ASB9: variants seen among roughly 807,000 people sequenced by gnomAD.
The protein encoded by ASB9 is ankyrin repeat and SOCS box containing 9, also known as ankyrin repeat and SOCS box protein 9.
In ASB9, 5 loss-of-function variants were observed where a neutral mutation model predicts 16.6. The observed-to-expected ratio is 0.30, with a 90% CI of 0.16 to 0.63. The LOEUF is 0.63. Ranked by LOEUF, ASB9 falls within the 30% of genes least tolerant of loss-of-function variation. The pLI, the probability that ASB9 is intolerant of heterozygous loss-of-function variation, is 0.82. For synonymous variants in ASB9, 100 were observed against 86.4 expected (o/e 1.16, Z -0.87); for missense variants, 216 against 229.4 (o/e 0.94, Z 0.38).
intron 1 of ASB9, among the ~76,000 whole-genome samples, chrX:15,259,914 A>G (rs1007739528): frequency 2.0e-4 from 23 of 112,278 alleles, no homozygotes; most frequent in African/African-American, 7.1e-4. Context: ...CATCCACAAG[A>G]TAAGTCATTA....
Position 15,252,413 on chromosome X carries a change from A to G in ASB9, c.283-9T>C. On this transcript the variant is annotated splice_polypyrimidine_tract_variant and intron_variant, in intron 3 of 6. Transcript: ENST00000380488. ...GCTGTCACACCATTCACCTGGTAAAAGAAGCTCCAGAATGAAGACAGGAAG... is the reference window on the plus strand; with the variant it reads ...GCTGTCACACCATTCACCTGGTAAAGGAAGCTCCAGAATGAAGACAGGAAG... 8.4e-7 allele frequency: 1 copy of G among 1,190,269 alleles called. No individual in the cohort carries two copies. Among genetic ancestry groups the G allele is most frequent in the Non-Finnish European group, 1.1e-6 (1 of 884,133 alleles).
intron 3 of ASB9, 59 bp downstream of exon 3, chrX:15,254,678 G>A: frequency 3.4e-6 from 3 of 891,542 alleles, no homozygotes; most frequent in Non-Finnish European, 4.9e-6. Flanking sequence ...TATTCAGAAG[G>A]GATATACATA....
chrX:15,266,935 CAAA>C (rs34454817), intron 1 of ASB9, among the ~76,000 whole-genome samples: 64 of 78,362 alleles, frequency 8.2e-4, no homozygotes, highest in African/African-American at 1.6e-3. Context: ...GACTCCATCT[CAAA>C]AAAAAAAAAA....
chrX:15,260,410 T>C (rs1925886392), intron 1 of ASB9, among the ~76,000 whole-genome samples: 1 of 111,795 alleles, frequency 8.9e-6, no homozygotes, highest in Non-Finnish European at 1.9e-5. Flanking sequence ...AAAAATAAAA[T>C]AAAATAGCAA....
At chrX:15,254,640 A>C in intron 3 of ASB9, 97 bp downstream of exon 3, 1 of 634,640 alleles carries the variant, frequency 1.6e-6, no homozygotes, top group Non-Finnish European at 2.5e-6. Flanking sequence ...TCATATTTCA[A>C]ATCAGTCTAA....
At chrX:15,263,201 T>C (rs150810613) in intron 1 of ASB9, among the ~76,000 whole-genome samples, 30 of 111,372 alleles carry the variant, frequency 2.7e-4, no homozygotes, top group African/African-American at 9.5e-4. Context: ...GTAGCATAAA[T>C]CTACTCATCC....
At chrX:15,266,853 G>A (rs1361473330) in intron 1 of ASB9, among the ~76,000 whole-genome samples, 2 of 107,805 alleles carry the variant, frequency 1.9e-5, no homozygotes, top group Non-Finnish European at 3.8e-5. Flanking sequence ...GGAGAATGGC[G>A]TGAACCCGGG....
At chrX:15,261,885 A>G (rs770945069) in intron 1 of ASB9, among the ~76,000 whole-genome samples, 7 of 112,057 alleles carry the variant, frequency 6.2e-5, no homozygotes, top group Non-Finnish European at 1.1e-4. Flanking sequence ...ACCACAATCA[A>G]TTTTAGAACA....
In ASB9 at chrX:15,265,873, G is replaced by A. The variant is rs571634886; in HGVS notation, c.94+3908C>T. Among the ~76,000 whole-genome samples the A allele has an allele frequency of 1.0e-4, 11 of 105,635 alleles. No individual in the cohort carries two copies. In the South Asian group the frequency reaches 1.3e-3, roughly 13 times the overall value. The allele number at this position is 105,635 out of a possible 115,157, so 91.7% of individuals were successfully genotyped here. A position where few individuals can be genotyped will look rare whatever the true frequency, so the allele number is the denominator to read the frequency against. On this transcript the variant is annotated intron_variant, in intron 1 of 6. Transcript: ENST00000380488. ...GGTTGGAGTGCAGTGGTGTGATCTC[G>A]GCTCACCACAACCTCTGCCTCCCGG...
chrX:15,263,344 G>A lies in ASB9; in HGVS notation c.95-4399C>T, dbSNP rs930993891. Among the ~76,000 whole-genome samples the A allele has an allele frequency of 2.7e-5, 3 of 111,122 alleles. No homozygotes were observed. In the East Asian group the frequency reaches 8.5e-4, roughly 31 times the overall value. On this transcript the variant is annotated intron_variant, in intron 1 of 6. Transcript: ENST00000380488. ...GGCATGAACCAACCTGCCAGAACCTGGAAAGTATCTGGGTGCTGTATTCAC... is the reference window on the plus strand; with the variant it reads ...GGCATGAACCAACCTGCCAGAACCTAGAAAGTATCTGGGTGCTGTATTCAC...
At chrX:15,262,766 G>A (rs1450309469) in intron 1 of ASB9, among the ~76,000 whole-genome samples, 1 of 111,724 alleles carries the variant, frequency 9.0e-6, no homozygotes, top group Non-Finnish European at 1.9e-5. Context: ...CAAGTAACTG[G>A]GACTACAGGT....
chrX:15,253,213 G>A (rs375256687), intron 3 of ASB9, among the ~76,000 whole-genome samples: 7 of 110,460 alleles, frequency 6.3e-5, no homozygotes, highest in South Asian at 3.9e-4. Flanking sequence ...CAGCCTGGGC[G>A]ACAGAGTGAG....
intron 1 of ASB9, among the ~76,000 whole-genome samples, chrX:15,266,140 T>C (rs1310774177): frequency 1.8e-5 from 2 of 110,855 alleles, no homozygotes; most frequent in Non-Finnish European, 3.8e-5. Flanking sequence ...GGTTTCACCA[T>C]GTTGGATAGG....
At chrX:15,269,152 T>C (rs1031146326) in intron 1 of ASB9, among the ~76,000 whole-genome samples, 2 of 111,912 alleles carry the variant, frequency 1.8e-5, no homozygotes, top group African/African-American at 6.5e-5. Context: ...TATACTATTA[T>C]TTATAAGAAC....
chrX:15,267,978 C>T (rs763471432), intron 1 of ASB9, among the ~76,000 whole-genome samples: 5 of 110,158 alleles, frequency 4.5e-5, no homozygotes, highest in African/African-American at 1.3e-4. Flanking sequence ...AAAGGGAAGA[C>T]GTTTTGTGTT....
At chrX:15,252,152 G>C (rs952321093) in intron 4 of ASB9, 102 bp downstream of exon 4, 1 of 939,456 alleles carries the variant, frequency 1.1e-6, no homozygotes, top group Non-Finnish European at 1.4e-6. Flanking sequence ...ACTCCATTTT[G>C]AGAACTACTG....
intron 1 of ASB9, among the ~76,000 whole-genome samples, chrX:15,269,425 G>C (rs1223245706): frequency 4.5e-5 from 5 of 111,628 alleles, no homozygotes; most frequent in African/African-American, 1.6e-4. Context: ...AAACACCTAA[G>C]ACTTACAAAT....
intron 6 of ASB9, among the ~76,000 whole-genome samples, chrX:15,245,783 A>G (rs1436869538): frequency 8.9e-6 from 1 of 111,860 alleles, no homozygotes; most frequent in Non-Finnish European, 1.9e-5. Flanking sequence ...TGTGGTCTCT[A>G]TTTTCCTATA....
chrX:15,254,080 C>T (rs777008144), intron 3 of ASB9, among the ~76,000 whole-genome samples: 1 of 111,794 alleles, frequency 8.9e-6, no homozygotes, highest in African/African-American at 3.2e-5. Flanking sequence ...TCTGGCAGTG[C>T]ACTCACCTCT....
Sources: allele counts gnomAD v4.1 joint callset (sites outside exome capture counted in the v4.1 genomes callset), GRCh38; gene constraint gnomAD v4.1.1; transcripts MANE v1.5; gene names NCBI Gene and HGNC (gene_info 2026-07-23, HGNC 2026-07-21).